The following CHODL variants were observed in gnomAD, a reference collection of about 807,000 sequenced individuals.
CHODL encodes the protein transmembrane protein MT75.
CHODL carries 29 observed loss-of-function variants against 34.5 expected under a neutral mutation model. The observed-to-expected ratio is 0.84, with a 90% CI of 0.63 to 1.15. The LOEUF (loss-of-function observed/expected upper bound fraction) is 1.15. CHODL is among the 50% of genes most tolerant of loss of function. The pLI is 0.00. For missense variants in CHODL, 332 were observed against 332.5 expected (o/e 1.00, Z 0.01); for synonymous variants, 125 against 116.1 (o/e 1.08, Z -0.49).
intron 2 of CHODL, among the ~76,000 whole-genome samples, chr21:18,119,502 A>G (rs1257903027): frequency 1.3e-5 from 2 of 152,194 alleles, no homozygotes; most frequent in African/African-American, 2.4e-5. Flanking sequence ...CAAATGGTCC[A>G]GGAATGTGCC....
At chr21:17,953,356 A>G (rs889168542) in intron 1 of CHODL, among the ~76,000 whole-genome samples, 5 of 152,170 alleles carry the variant, frequency 3.3e-5, no homozygotes, top group Non-Finnish European at 7.3e-5. Flanking sequence ...AGTCCTAGCT[A>G]TTCAGGAGGC....
At chr21:18,134,206 T>G (rs1321362873) in intron 2 of CHODL, 1 of 431,732 alleles carries the variant, frequency 2.3e-6, no homozygotes, top group Non-Finnish European at 4.7e-6. Context: ...ACCTTCATGA[T>G]GAGGTTACCA....
At chr21:18,086,679 G>T (rs920336893) in intron 2 of CHODL, among the ~76,000 whole-genome samples, 3 of 152,162 alleles carry the variant, frequency 2.0e-5, no homozygotes, top group African/African-American at 4.8e-5. Flanking sequence ...TTGTGGTGAA[G>T]TTTTTCTGGG....
intron 2 of CHODL, among the ~76,000 whole-genome samples, chr21:18,190,680 C>T (rs1259615286): frequency 2.6e-5 from 4 of 152,250 alleles, no homozygotes; most frequent in South Asian, 4.1e-4. Context: ...AAAGTTGAGA[C>T]ATTTCCTCTC....
At chr21:18,159,412 AT>A (rs957149874) in intron 2 of CHODL, among the ~76,000 whole-genome samples, 3 of 151,762 alleles carry the variant, frequency 2.0e-5, no homozygotes, top group African/African-American at 7.3e-5. Flanking sequence ...GCTGTTTGAG[AT>A]TTTTTTTTCT....
intron 1 of CHODL, among the ~76,000 whole-genome samples, chr21:18,247,387 A>G (rs925744495): frequency 2.0e-5 from 3 of 152,192 alleles, no homozygotes; most frequent in African/African-American, 7.2e-5. Context: ...TAGGATACTC[A>G]AATAATCACT....
chr21:18,143,719 G>T (rs1359001741), intron 2 of CHODL, among the ~76,000 whole-genome samples: 1 of 151,974 alleles, frequency 6.6e-6, no homozygotes, highest in African/African-American at 2.4e-5. Flanking sequence ...ACATATTAAT[G>T]CTAGGTGATA....
At position 18,264,938 on chromosome 21, in the gene CHODL, T is replaced by G. The variant is rs538446615; in HGVS notation, c.738-1016T>G. On this transcript the variant is annotated intron_variant, in intron 5 of 5. Transcript: ENST00000299295. Reference sequence around the variant, plus strand: ...CGATGGGAGGAGGGGAATAGGCACATCCATACACATAGTATAATAGCATTG... The same window carrying G: ...CGATGGGAGGAGGGGAATAGGCACAGCCATACACATAGTATAATAGCATTG... Among the ~76,000 whole-genome samples, 91 of 152,166 alleles carry G rather than the reference T, an allele frequency of 6.0e-4. 3 individuals carry two copies. In the Middle Eastern group the frequency reaches 0.031, roughly 51 times the overall value.
intron 2 of CHODL, among the ~76,000 whole-genome samples, chr21:18,134,516 G>A (rs940829978): frequency 5.1e-4 from 78 of 152,270 alleles, no homozygotes; most frequent in Non-Finnish European, 3.1e-4. Flanking sequence ...ACCTGCAACC[G>A]AAGGGCCACA....
intron 2 of CHODL, among the ~76,000 whole-genome samples, chr21:18,147,017 G>C (rs528983162): frequency 2.2e-4 from 34 of 152,102 alleles, no homozygotes; most frequent in Middle Eastern, 3.4e-3. Context: ...TACCTTCTTG[G>C]CCTTATGTAC....
chr21:18,059,074 G>C (rs1253807534), intron 2 of CHODL, among the ~76,000 whole-genome samples: 1 of 152,168 alleles, frequency 6.6e-6, no homozygotes, highest in Non-Finnish European at 1.5e-5. Context: ...TCCAGATAGA[G>C]CCTTTAGGAA....
In CHODL at chr21:18,145,375, G is replaced by T. The variant is rs527248585; in HGVS notation, c.-44-111134G>T. On this transcript the variant is annotated intron_variant, in intron 2 of 6. Coordinates refer to the CHODL transcript ENST00000400127. ...TGGCGTGAACCCGGGAGGCGGAGCT[G>T]GCAGTGAGCCAAGATCGCGCCACTG... Among the ~76,000 whole-genome samples, 36 of 146,864 alleles carry T rather than the reference G, an allele frequency of 2.5e-4. No homozygotes were observed. In the South Asian group the frequency reaches 6.8e-3, roughly 28 times the overall value.
intron 2 of CHODL, among the ~76,000 whole-genome samples, chr21:18,107,043 G>A (rs1031761151): frequency 3.3e-5 from 5 of 152,174 alleles, no homozygotes; most frequent in Admixed American, 2.0e-4. Context: ...GGAGACCTCT[G>A]GAGAACCCTC....
At chr21:18,025,444 ATCATCTTATT>A (rs1600908188) in intron 1 of CHODL, among the ~76,000 whole-genome samples, 1 of 152,120 alleles carries the variant, frequency 6.6e-6, no homozygotes, top group East Asian at 1.9e-4. Context: ...CCCTCTGGCT[ATCATCTTATT>A]TTTATAGAAA....
intron 1 of CHODL, among the ~76,000 whole-genome samples, chr21:17,985,496 T>C (rs1422319093): frequency 6.6e-6 from 1 of 152,226 alleles, no homozygotes; most frequent in Non-Finnish European, 1.5e-5. Context: ...ATGACATTTA[T>C]ACAGCAAGAG....
chr21:17,987,138 G>C (rs2063759831), intron 1 of CHODL, among the ~76,000 whole-genome samples: 1 of 152,078 alleles, frequency 6.6e-6, no homozygotes, highest in Admixed American at 6.6e-5. Context: ...TGGGGAGGAG[G>C]TTATAGCTGC....
At chr21:18,083,472 C>A (rs1294901909) in intron 2 of CHODL, among the ~76,000 whole-genome samples, 1 of 152,120 alleles carries the variant, frequency 6.6e-6, no homozygotes, top group African/African-American at 2.4e-5. Flanking sequence ...CCTCCAGAAC[C>A]CAGAATGGTA....
chr21:17,992,957 GT>G (rs1216996681), intron 1 of CHODL, among the ~76,000 whole-genome samples: 5 of 151,876 alleles, frequency 3.3e-5, no homozygotes, highest in Non-Finnish European at 5.9e-5. Flanking sequence ...CCGGCCGAGG[GT>G]TTTTATTTGT....
At chr21:18,133,648 G>A (rs965080000) in intron 2 of CHODL, among the ~76,000 whole-genome samples, 1 of 152,122 alleles carries the variant, frequency 6.6e-6, no homozygotes, top group South Asian at 2.1e-4. Context: ...CAGGAGAAAG[G>A]TTAGGCAGAT....
Sources: gnomAD v4.1 joint callset for allele counts (sites outside exome capture counted in the v4.1 genomes callset) on GRCh38, gnomAD v4.1.1 for gene constraint, MANE v1.5 for transcripts, NCBI Gene and HGNC (gene_info 2026-07-23, HGNC 2026-07-21) for gene names.